Variants in KCNIP1 observed in about 807,000 individuals in gnomAD.
The protein encoded by KCNIP1 is potassium voltage-gated channel interacting protein 1.
A neutral mutation model predicts 33.0 loss-of-function variants in KCNIP1; 18 were observed. That is an observed-to-expected ratio of 0.55 (90% confidence interval 0.38 to 0.81). The LOEUF (loss-of-function observed/expected upper bound fraction) is 0.81. Among genes scored for constraint, KCNIP1 ranks in the 30% least tolerant of loss-of-function variants. The pLI is 0.00. For synonymous variants in KCNIP1, 93 were observed against 98.3 expected (o/e 0.95, Z 0.32); for missense variants, 238 against 271.6 (o/e 0.88, Z 0.87).
rs114590841 is a variant in KCNIP1, at chr5:170,626,256, C to A, written c.62-92502C>A. On this transcript the variant is annotated intron_variant, in intron 1 of 7. Coordinates refer to ENST00000328939, the MANE Select transcript of KCNIP1 (RefSeq NM_014592.4). ...TGTCATGCAGGTAGGAGCATCTGCACCCAGCAAATGGAAACTGAAGCTCAG... is the reference window on the plus strand; with the variant it reads ...TGTCATGCAGGTAGGAGCATCTGCAACCAGCAAATGGAAACTGAAGCTCAG... Among the ~76,000 whole-genome samples, 1,265 of 152,304 alleles carry A rather than the reference C, an allele frequency of 8.3e-3. 17 individuals carry two copies. The highest frequency in any genetic ancestry group is 0.029 in the African/African-American group (1,202 of 41,538).
intron 1 of KCNIP1, among the ~76,000 whole-genome samples, chr5:170,519,620 G>A (rs1755279780): frequency 6.6e-6 from 1 of 152,146 alleles, no homozygotes. Context: ...AGGCAGCACA[G>A]GACAGGAGGT....
chr5:170,483,435 G>T (rs1757019118), intron 1 of KCNIP1, among the ~76,000 whole-genome samples: 1 of 152,208 alleles, frequency 6.6e-6, no homozygotes, highest in Non-Finnish European at 1.5e-5. Context: ...GTCTGCTACA[G>T]CCCCTCTCGC....
upstream of KCNIP1, among the ~76,000 whole-genome samples, chr5:170,501,514 C>T (rs780362963): frequency 8.5e-5 from 13 of 152,208 alleles, no homozygotes; most frequent in Non-Finnish European, 1.6e-4. Context: ...CAGAGGCAGC[C>T]AATTGCAAAC....
chr5:170,435,232 G>A (rs900808884), intron 1 of KCNIP1, among the ~76,000 whole-genome samples: 4 of 152,230 alleles, frequency 2.6e-5, no homozygotes, highest in African/African-American at 4.8e-5. Context: ...TTGCTACAAC[G>A]TGTAGCCTCT....
chr5:170,494,005 G>A (rs1757259470), intron 1 of KCNIP1, among the ~76,000 whole-genome samples: 1 of 152,166 alleles, frequency 6.6e-6, no homozygotes, highest in Non-Finnish European at 1.5e-5. Flanking sequence ...AATTGTTGGA[G>A]GGACTGGCTG....
chr5:170,595,640 T>G (rs1161719085), intron 1 of KCNIP1, among the ~76,000 whole-genome samples: 1 of 152,224 alleles, frequency 6.6e-6, no homozygotes, highest in East Asian at 1.9e-4. Flanking sequence ...AAGCACCTAT[T>G]GATCACCTGT....
At chr5:170,513,561 A>C (rs1367655529) in intron 1 of KCNIP1, among the ~76,000 whole-genome samples, 1 of 152,204 alleles carries the variant, frequency 6.6e-6, no homozygotes, top group Admixed American at 6.5e-5. Context: ...TCTTAGCTGT[A>C]CCTCCAAGTT....
intron 1 of KCNIP1, among the ~76,000 whole-genome samples, chr5:170,460,167 A>G (rs1756473663): frequency 6.6e-6 from 1 of 152,210 alleles, no homozygotes; most frequent in Non-Finnish European, 1.5e-5. Flanking sequence ...GAACAGACCA[A>G]TAACAAGCAG....
chr5:170,635,363 C>T (rs1392187930), intron 1 of KCNIP1, among the ~76,000 whole-genome samples: 1 of 152,160 alleles, frequency 6.6e-6, no homozygotes, highest in East Asian at 1.9e-4. Context: ...TTCTAAGAGT[C>T]TCTTTCAGTT....
chr5:170,498,205 G>C (rs1757347302), intron 1 of KCNIP1, among the ~76,000 whole-genome samples: 2 of 152,214 alleles, frequency 1.3e-5, no homozygotes, highest in South Asian at 4.1e-4. Context: ...AATCAGGACT[G>C]TGTTCCAGCC....
At chr5:170,576,283 C>T (rs1321581623) in intron 1 of KCNIP1, among the ~76,000 whole-genome samples, 2 of 152,200 alleles carry the variant, frequency 1.3e-5, no homozygotes, top group Non-Finnish European at 2.9e-5. Context: ...AACCTCAGGG[C>T]AGTCAGAATG....
At chr5:170,717,949 C>T (rs1407958677) in intron 1 of KCNIP1, among the ~76,000 whole-genome samples, 15 of 152,244 alleles carry the variant, frequency 9.9e-5, no homozygotes, top group Admixed American at 9.8e-4. Context: ...GGAAATCACT[C>T]ACCTACCCCT....
intron 1 of KCNIP1, among the ~76,000 whole-genome samples, chr5:170,518,729 T>C (rs1755245783): frequency 2.0e-5 from 3 of 152,208 alleles, no homozygotes; most frequent in Admixed American, 6.5e-5. Context: ...GGATGTCAGC[T>C]TGGCCTGGCC....
At chr5:170,588,878 C>T (rs1416387199) in intron 1 of KCNIP1, among the ~76,000 whole-genome samples, 1 of 152,096 alleles carries the variant, frequency 6.6e-6, no homozygotes, top group Admixed American at 6.6e-5. Flanking sequence ...TTGCTGATGG[C>T]CTTAGGCAAG....
At position 170,353,617 on chromosome 5, in the gene KCNIP1, G is replaced by A. The variant is rs1763268854; in HGVS notation, c.-260G>A. On this transcript the variant is annotated 5_prime_UTR_variant, in exon 1 of 8. Coordinates refer to the KCNIP1 transcript ENST00000377360. The stretch of plus-strand genomic sequence containing the variant: ...AGTGCTGTCCCGGCCCTGGCATCCT[G>A]AGGTCCTCCCGTGGTGAGGACTTAA... 7.2e-6 allele frequency: 4 copies of A among 556,234 alleles called. No homozygotes were observed. The South Asian group carries it at 8.6e-5, about 12-fold the overall frequency. 34.5% of individuals were successfully genotyped at this position (556,234 alleles called of 1,614,324 possible).
intron 1 of KCNIP1, among the ~76,000 whole-genome samples, chr5:170,534,094 C>G (rs866287062): frequency 2.6e-5 from 4 of 152,210 alleles, no homozygotes; most frequent in African/African-American, 4.8e-5. Flanking sequence ...TTCAGCGATT[C>G]ACAAACGGTA....
intron 1 of KCNIP1, among the ~76,000 whole-genome samples, chr5:170,653,001 T>C (rs1055431159): frequency 9.2e-5 from 14 of 152,204 alleles, no homozygotes; most frequent in Admixed American, 9.2e-4. Flanking sequence ...GCCCAGATTT[T>C]CACTCTTCAT....
intron 1 of KCNIP1, among the ~76,000 whole-genome samples, chr5:170,581,187 A>G (rs892683929): frequency 6.6e-6 from 1 of 152,202 alleles, no homozygotes; most frequent in Admixed American, 6.5e-5. Context: ...GTCATGAATC[A>G]CAAGTTATTG....
rs866779227 is a variant in KCNIP1 at position 170,478,907 on chromosome 5, G to C, written c.88+124943G>C. Among the ~76,000 whole-genome samples, 7 of 141,156 alleles carry C rather than the reference G, an allele frequency of 5.0e-5. No individual in the cohort carries two copies. The South Asian group carries it at 8.8e-4, about 18-fold the overall frequency. 92.6% of individuals were successfully genotyped at this position (141,156 alleles called of 152,430 possible). The stretch of plus-strand genomic sequence containing the variant: ...TCTCAATGTGGTTAATGAAAAGGAA[G>C]ATAAAAAAAAAAAAGGTTGGCCATA... On this transcript the variant is annotated intron_variant, in intron 1 of 7. Transcript: ENST00000377360.
Sources: gnomAD v4.1 joint callset for allele counts (sites outside exome capture counted in the v4.1 genomes callset) on GRCh38, gnomAD v4.1.1 for gene constraint, MANE v1.5 for transcripts, NCBI Gene and HGNC (gene_info 2026-07-23, HGNC 2026-07-21) for gene names.